CEP192: variants seen among roughly 807,000 people sequenced by gnomAD.
CEP192 encodes the protein centrosomal protein 192.
In CEP192, 151 loss-of-function variants were observed where a neutral mutation model predicts 271.8. The ratio of observed to expected loss-of-function variants is 0.56; its 90% CI spans 0.49 to 0.64. The LOEUF (loss-of-function observed/expected upper bound fraction) is 0.64. CEP192 is among the 30% of genes least tolerant of loss of function. CEP192 has a pLI of 0.00. For synonymous variants in CEP192, 995 were observed against 1,076.5 expected, an observed-to-expected ratio of 0.92 and a Z score of 1.48; for missense variants, 2,910 against 3,020.5, an observed-to-expected ratio of 0.96 and a Z score of 0.86.
At chr18:13,120,387 A>C (rs976865837) in intron 44 of CEP192, among the ~76,000 whole-genome samples, 2 of 152,202 alleles carry the variant, frequency 1.3e-5, no homozygotes, top group African/African-American at 4.8e-5. Context: ...AAAAGTAGAC[A>C]TTTTTGTGGA....
intron 11 of CEP192, among the ~76,000 whole-genome samples, chr18:13,036,441 C>T (rs968302092): frequency 6.6e-6 from 1 of 152,230 alleles, no homozygotes; most frequent in Non-Finnish European, 1.5e-5. Flanking sequence ...GCTCACCATT[C>T]ACTTTTCTCC....
At chr18:13,002,499 A>T (rs2033716715) in intron 3 of CEP192, among the ~76,000 whole-genome samples, 1 of 152,112 alleles carries the variant, frequency 6.6e-6, no homozygotes, top group Admixed American at 6.5e-5. Flanking sequence ...CATTTTTCGC[A>T]CCTAGGATAT....
intron 9 of CEP192, among the ~76,000 whole-genome samples, chr18:13,026,125 G>A (rs1393606481): frequency 6.6e-6 from 1 of 152,160 alleles, no homozygotes; most frequent in Non-Finnish European, 1.5e-5. Context: ...ATTTCTTAGG[G>A]TACAGAATTA....
At chr18:13,011,529 TTG>T (rs935017421) in intron 4 of CEP192, among the ~76,000 whole-genome samples, 1 of 68,964 alleles carries the variant, frequency 1.5e-5, no homozygotes, top group African/African-American at 1.8e-4. Context: ...TTGTTTTGTT[TTG>T]TTTTTTTTTG....
chr18:13,079,105 A>C (rs997659315), intron 30 of CEP192, among the ~76,000 whole-genome samples: 4 of 152,206 alleles, frequency 2.6e-5, no homozygotes, highest in African/African-American at 7.2e-5. Flanking sequence ...ATATGTGTGC[A>C]TGTGTCTTTA....
chr18:13,109,056 A>G (rs1248778328), intron 40 of CEP192, among the ~76,000 whole-genome samples: 6 of 152,158 alleles, frequency 3.9e-5, no homozygotes, highest in Admixed American at 3.9e-4. Context: ...TATATACCCA[A>G]AAGACAGCAG....
chr18:13,004,274 T>C (rs1387815220), intron 3 of CEP192, among the ~76,000 whole-genome samples: 1 of 151,086 alleles, frequency 6.6e-6, no homozygotes, highest in Non-Finnish European at 1.5e-5. Context: ...AGCTGGATGG[T>C]TGTAGTGGGT....
chr18:13,003,869 C>T (rs2145825977), intron 3 of CEP192, among the ~76,000 whole-genome samples: 1 of 152,076 alleles, frequency 6.6e-6, no homozygotes, highest in South Asian at 2.1e-4. Flanking sequence ...GCAGCATGGG[C>T]ACATTGTCTG....
At chr18:13,109,773 AAAT>A (rs922946984) in intron 40 of CEP192, among the ~76,000 whole-genome samples, 7 of 152,162 alleles carry the variant, frequency 4.6e-5, no homozygotes, top group Admixed American at 2.0e-4. Flanking sequence ...TTTTTGGAAA[AAAT>A]AATAATAATA....
chr18:13,065,937 G>A (rs528518178), intron 21 of CEP192, among the ~76,000 whole-genome samples: 26 of 152,252 alleles, frequency 1.7e-4, no homozygotes, highest in Admixed American at 1.1e-3. Context: ...TTAACTCGAC[G>A]TCCTTGAATG....
intron 38 of CEP192, among the ~76,000 whole-genome samples, chr18:13,102,141 A>G (rs2039737145): frequency 6.6e-6 from 1 of 151,718 alleles, no homozygotes; most frequent in Admixed American, 6.6e-5. Context: ...GCCACCCCCC[A>G]CAGCTGGGGG....
chr18:13,090,937 G>A (rs1013387135), intron 33 of CEP192, among the ~76,000 whole-genome samples: 19 of 152,202 alleles, frequency 1.2e-4, no homozygotes, highest in African/African-American at 4.3e-4. Flanking sequence ...CAGTCCTCTC[G>A]TTGGATGGTG....
At chr18:13,066,776 C>G (rs2037722607) in intron 21 of CEP192, among the ~76,000 whole-genome samples, 1 of 152,144 alleles carries the variant, frequency 6.6e-6, no homozygotes, top group African/African-American at 2.4e-5. Flanking sequence ...GAGCCTCACC[C>G]TGCTCACAAC....
rs1401825018 is a variant in CEP192, at chr18:13,049,604, AGT to A, written c.2818_2819del (p.Val940GlnfsTer2). On this transcript the variant is annotated frameshift_variant, in exon 16 of 45. Coordinates refer to ENST00000506447, the MANE Select transcript of CEP192 (RefSeq NM_032142.4). LOFTEE classifies it high-confidence loss of function. ...AACAGAGAAAATCAGAGGCAAAATG[AGT>A]GTGTCAGTGAAATAAGCAACAGTGA... 6.2e-7 allele frequency: 1 copy of A among 1,613,992 alleles called. No individual in the cohort carries two copies. Among genetic ancestry groups the A allele is most frequent in the East Asian group, 2.2e-5 (1 of 44,872 alleles).
chr18:13,106,208 A>G (rs1244908265), intron 40 of CEP192, among the ~76,000 whole-genome samples: 1 of 152,122 alleles, frequency 6.6e-6, no homozygotes. Flanking sequence ...AACCAAATAT[A>G]TACAACTATG....
intron 4 of CEP192, 47 bp downstream of exon 4, chr18:13,008,678 C>T: frequency 5.9e-6 from 8 of 1,357,426 alleles, no homozygotes; most frequent in South Asian, 1.4e-5. Context: ...GTTTTAATTT[C>T]CTTTTTCATT....
Position 13,116,446 on chromosome 18 carries a change from G to A in CEP192, c.7359G>A (p.Val2453=), listed in dbSNP as rs758091529. 20 of 1,611,608 alleles carry A rather than the reference G, an allele frequency of 1.2e-5. No individual in the cohort carries two copies. The Admixed American group carries it at 2.0e-4, about 16-fold the overall frequency. Residue 2453 remains valine (V), a synonymous_variant, in exon 43 of 45, where the codon GTG becomes GTA. Transcript: ENST00000506447. ...EDVYRFRPTS[V]GESRTLKVNL... ...TGTACAGGTTCCGGCCGACTAGTGT[G>A]GGGGAATCACGGACACTTAAAGTCA...
At chr18:13,105,706 G>A (rs1205931211) in intron 40 of CEP192, among the ~76,000 whole-genome samples, 1 of 152,174 alleles carries the variant, frequency 6.6e-6, no homozygotes, top group Admixed American at 6.5e-5. Flanking sequence ...ACTTTACTGG[G>A]TCTGTATAAC....
chr18:12,997,236 G>A (rs1203032033), intron 1 of CEP192, among the ~76,000 whole-genome samples: 1 of 152,064 alleles, frequency 6.6e-6, no homozygotes, highest in Non-Finnish European at 1.5e-5. Context: ...GAATCAGACC[G>A]AGGGGTTGAG....
Sources: allele counts gnomAD v4.1 joint callset (sites outside exome capture counted in the v4.1 genomes callset), GRCh38; gene constraint gnomAD v4.1.1; transcripts MANE v1.5; gene names NCBI Gene and HGNC (gene_info 2026-07-23, HGNC 2026-07-21).